Variants in PARVB observed in about 807,000 individuals in gnomAD.
PARVB encodes the protein parvin beta, also known as beta-parvin.
Under a neutral mutation model 47.0 loss-of-function variants are expected in PARVB, and 46 were observed. The ratio of observed to expected loss-of-function variants is 0.98; its 90% CI spans 0.77 to 1.25. The LOEUF is 1.25. Ranked by LOEUF, PARVB falls within the 50% of genes most tolerant of loss-of-function variation. The pLI, the probability that PARVB is intolerant of heterozygous loss-of-function variation, is 0.00. For synonymous variants in PARVB, 196 were observed against 196.3 expected (o/e 1.00, Z 0.01); for missense variants, 473 against 471.6 (o/e 1.00, Z -0.03).
chr22:44,013,851 T>G (rs908556200), intron 2 of PARVB, among the ~76,000 whole-genome samples: 1 of 152,196 alleles, frequency 6.6e-6, no homozygotes, highest in Non-Finnish European at 1.5e-5. Flanking sequence ...CAGGCTGCTC[T>G]CGAACTCCTG....
At chr22:44,059,737 G>A (rs906305773) in intron 1 of PARVB, among the ~76,000 whole-genome samples, 18 of 152,182 alleles carry the variant, frequency 1.2e-4, no homozygotes, top group African/African-American at 3.4e-4. Context: ...GAAAGATGCC[G>A]TACACATTTT....
intron 3 of PARVB, chr22:44,102,814 G>T (rs1035340824): frequency 6.6e-6 from 1 of 152,314 alleles, no homozygotes; most frequent in African/African-American, 2.4e-5. Flanking sequence ...AATAGCCACT[G>T]CACTCTAGCC....
intron 2 of PARVB, 41 bp from the exon 3 acceptor site, chr22:44,100,012 C>G: frequency 6.4e-7 from 1 of 1,555,534 alleles, no homozygotes; most frequent in Non-Finnish European, 8.9e-7. Flanking sequence ...TCCCTGCCAC[C>G]CCCACAATCG....
chr22:44,152,905 A>C (rs961590937), intron 10 of PARVB: 1 of 152,202 alleles, frequency 6.6e-6, no homozygotes, highest in Non-Finnish European at 1.5e-5. Flanking sequence ...CTAATTAAAA[A>C]ACTAATTCAG....
chr22:44,101,430 A>ATAAAAAG (rs1175987473), intron 3 of PARVB, among the ~76,000 whole-genome samples: 6 of 149,212 alleles, frequency 4.0e-5, no homozygotes, highest in South Asian at 2.1e-4. Context: ...AAAATAAAAA[A>ATAAAAAG]TAAAATATAA....
At chr22:44,019,164 G>A (rs888751225) in intron 2 of PARVB, among the ~76,000 whole-genome samples, 4 of 152,008 alleles carry the variant, frequency 2.6e-5, no homozygotes, top group Non-Finnish European at 5.9e-5. Context: ...TGATCTGCCC[G>A]CCTCGGCCTC....
intron 8 of PARVB, chr22:44,145,717 G>T (rs1488315510): frequency 6.6e-6 from 1 of 152,178 alleles, no homozygotes; most frequent in African/African-American, 2.4e-5. Context: ...CTGGGTCCAG[G>T]GGCATGGCAG....
Position 44,137,879 on chromosome 22 carries a change from G to A in PARVB, c.692+1361G>A, listed in dbSNP as rs116812332. Among the ~76,000 whole-genome samples the A allele has an allele frequency of 1.7e-3, 256 of 152,228 alleles. 1 individual carries two copies. Among genetic ancestry groups the A allele is most frequent in the African/African-American group, 5.4e-3 (224 of 41,542 alleles). Reference sequence around the variant, plus strand: ...GTCAAAGTGAGTCACAGGTCATCCTGGATCAAGGTGCAGGAAACAGACTCT... The same window carrying A: ...GTCAAAGTGAGTCACAGGTCATCCTAGATCAAGGTGCAGGAAACAGACTCT... On this transcript the variant is annotated intron_variant, in intron 7 of 12. Transcript: ENST00000338758.
chr22:44,149,173 C>G (rs1358151164), intron 9 of PARVB: 1 of 152,188 alleles, frequency 6.6e-6, no homozygotes, highest in Non-Finnish European at 1.5e-5. Context: ...GGGATTCTCT[C>G]TGTGCATGGG....
At chr22:44,153,268 T>C (rs1340159728) in intron 10 of PARVB, 1 of 152,198 alleles carries the variant, frequency 6.6e-6, no homozygotes, top group African/African-American at 2.4e-5. Flanking sequence ...CTTCAGACTC[T>C]CCAGGGGCAG....
rs2051173684 is a variant in PARVB, at chr22:44,049,700, G to T, written c.112+25249G>T. Among the ~76,000 whole-genome samples the T allele has an allele frequency of 2.0e-5, 3 of 152,230 alleles. No homozygotes were observed. The highest frequency in any genetic ancestry group is 4.1e-4 in the South Asian group (2 of 4,834). On this transcript the variant is annotated intron_variant, in intron 1 of 12. Coordinates refer to ENST00000338758, the MANE Select transcript of PARVB (RefSeq NM_013327.5). This position sits in a 1 kb window ranked among gnomAD's most constrained non-coding sequence, Gnocchi z 4.0. ...GAGCATGTTGCAAGGAACCCTAGGGGCTGCCATAGCCCTGGAGATACTGGC... is the reference window on the plus strand; with the variant it reads ...GAGCATGTTGCAAGGAACCCTAGGGTCTGCCATAGCCCTGGAGATACTGGC...
intron 2 of PARVB, among the ~76,000 whole-genome samples, chr22:44,000,653 G>A (rs75848795): frequency 0.039 from 5,912 of 152,242 alleles, 138 homozygotes; most frequent in Middle Eastern, 0.068. Flanking sequence ...ACATAGATAC[G>A]TATTTGGAAA....
At chr22:44,028,185 G>A (rs2050764253) in intron 1 of PARVB, among the ~76,000 whole-genome samples, 1 of 152,036 alleles carries the variant, frequency 6.6e-6, no homozygotes, top group Non-Finnish European at 1.5e-5. Context: ...CTGGATGGAT[G>A]TAGAGTGACA....
intron 1 of PARVB, among the ~76,000 whole-genome samples, chr22:44,043,298 A>G (rs1303954047): frequency 6.6e-6 from 1 of 152,196 alleles, no homozygotes; most frequent in Non-Finnish European, 1.5e-5. Context: ...GGGTGACGAA[A>G]ATGTTCTTAC....
At chr22:44,104,202 C>G (rs533083267) in intron 3 of PARVB, 1 of 152,374 alleles carries the variant, frequency 6.6e-6, no homozygotes, top group South Asian at 2.1e-4. Flanking sequence ...TCCCACCAGC[C>G]TGGAGCACGT....
intron 2 of PARVB, among the ~76,000 whole-genome samples, chr22:44,099,358 G>A (rs1385231396): frequency 7.2e-5 from 11 of 152,126 alleles, no homozygotes; most frequent in Admixed American, 4.6e-4. Context: ...TGCCCCCTCC[G>A]CAGTCCCGCC....
In PARVB at chr22:44,102,418, C is replaced by T. The variant is rs369055205; in HGVS notation, c.273+2295C>T. ...AAGATGAACCATCCCATGCACCTTT[C>T]TAAAGATTTTTTTCTTTGATTTTTG... On this transcript the variant is annotated intron_variant, in intron 3 of 12. Transcript: ENST00000338758. Among the ~76,000 whole-genome samples the T allele has an allele frequency of 2.2e-4, 34 of 152,336 alleles. No homozygotes were observed. The East Asian group carries it at 4.2e-3, about 19-fold the overall frequency.
At chr22:44,039,881 C>G (rs755522888) in intron 1 of PARVB, 31 of 455,490 alleles carry the variant, frequency 6.8e-5, no homozygotes, top group South Asian at 4.8e-4. Context: ...GTGGTGCAGT[C>G]ATAGCTCACT....
intron 1 of PARVB, among the ~76,000 whole-genome samples, chr22:44,088,933 CT>C (rs1165702302): frequency 6.6e-6 from 1 of 152,200 alleles, no homozygotes; most frequent in African/African-American, 2.4e-5. Context: ...TGTGTGCCCT[CT>C]GGCTGGCCCA....
Sources: gnomAD v4.1 joint callset for allele counts (sites outside exome capture counted in the v4.1 genomes callset) on GRCh38, gnomAD v4.1.1 for gene constraint, Gnocchi (gnomAD v3.1) non-coding constraint, MANE v1.5 for transcripts, NCBI Gene and HGNC (gene_info 2026-07-23, HGNC 2026-07-21) for gene names.